The following PDZD2 variants were observed in gnomAD, a reference collection of about 807,000 sequenced individuals.
PDZD2 encodes the protein PDZ domain-containing protein 2.
PDZD2 carries 90 observed loss-of-function variants against 220.7 expected under a neutral mutation model. The observed-to-expected ratio is 0.41, with a 90% CI of 0.34 to 0.49. The LOEUF (loss-of-function observed/expected upper bound fraction) is 0.49, where lower values mean the gene tolerates loss of function less well. Among genes scored for constraint, PDZD2 ranks in the 20% least tolerant of loss-of-function variants. The probability of loss-of-function intolerance (pLI) is 0.28; values close to 1 mark genes in which losing one functional copy is unlikely to be tolerated. For missense variants in PDZD2, 3,174 were observed against 3,608.5 expected (o/e 0.88, Z 3.08); for synonymous variants, 1,375 against 1,450.5 (o/e 0.95, Z 1.18).
At chr5:31,861,953 A>G (rs1030571349) in intron 2 of PDZD2, among the ~76,000 whole-genome samples, 2 of 152,176 alleles carry the variant, frequency 1.3e-5, no homozygotes, top group Admixed American at 6.5e-5. Flanking sequence ...GTTCTATACT[A>G]TATAAATGTA....
chr5:31,893,512 G>A (rs112642972), intron 2 of PDZD2, among the ~76,000 whole-genome samples: 3,136 of 152,322 alleles, frequency 0.021, 98 homozygotes, highest in African/African-American at 0.07. Context: ...AGAGGTTACA[G>A]TGAGCTGAGA....
At chr5:31,991,955 C>T (rs769740626) in intron 3 of PDZD2, among the ~76,000 whole-genome samples, 1 of 152,130 alleles carries the variant, frequency 6.6e-6, no homozygotes, top group Non-Finnish European at 1.5e-5. Flanking sequence ...ATCACTTGAA[C>T]CCAGGAGGCA....
At chr5:31,852,400 C>G (rs1446596080) in intron 2 of PDZD2, among the ~76,000 whole-genome samples, 1 of 151,896 alleles carries the variant, frequency 6.6e-6, no homozygotes, top group Non-Finnish European at 1.5e-5. Context: ...CTTTCCTCAG[C>G]CTCCCAAGTA....
chr5:31,992,505 CAT>C (rs1751299207), intron 3 of PDZD2, among the ~76,000 whole-genome samples: 1 of 152,102 alleles, frequency 6.6e-6, no homozygotes, highest in Non-Finnish European at 1.5e-5. Context: ...TTTCTTGTCA[CAT>C]GTCCTACTTC....
intron 2 of PDZD2, among the ~76,000 whole-genome samples, chr5:31,923,770 A>G (rs1030892684): frequency 1.3e-5 from 2 of 152,270 alleles, no homozygotes; most frequent in African/African-American, 4.8e-5. Flanking sequence ...AGTAAGTCAC[A>G]GTGGCATGGG....
chr5:31,818,897 G>A (rs574634570), intron 2 of PDZD2, among the ~76,000 whole-genome samples: 4 of 151,944 alleles, frequency 2.6e-5, no homozygotes, highest in African/African-American at 9.7e-5. Flanking sequence ...ATAATTTTTT[G>A]TTTCCTTCTA....
intron 1 of PDZD2, among the ~76,000 whole-genome samples, chr5:31,731,695 C>T (rs1011884459): frequency 6.6e-6 from 1 of 152,128 alleles, no homozygotes; most frequent in African/African-American, 2.4e-5. Flanking sequence ...TTTATATGGC[C>T]AAATAGTATT....
In PDZD2 at chr5:32,071,405, C is replaced by T. The variant is rs1411950982; in HGVS notation, c.2555C>T (p.Ser852Phe). The change falls in exon 16 of 25, where the codon TCT becomes TTT. Residue 852 changes from serine (S) to phenylalanine (F), a missense_variant. Around this residue, in one of 4 missense-constraint regions of PDZD2, gnomAD observed 1,861 missense variants for 2,001.0 expected, o/e 0.93. Coordinates refer to ENST00000438447, the MANE Select transcript of PDZD2 (RefSeq NM_178140.4). ...ACAGGTACCCCCTTGAAGAGTCCCT[C>T]TCTTGCAAAAAAGGTGAGTCAAGGT... ...PGLGTPLKSP[S>F]LAKKDSLISE... is the part of the protein sequence containing the mutation. 2.0e-5 allele frequency: 33 copies of T among 1,610,582 alleles called. No individual in the cohort carries two copies. Among genetic ancestry groups the T allele is most frequent in the Non-Finnish European group, 2.8e-5 (33 of 1,176,862 alleles).
At chr5:31,886,037 T>C (rs1474099884) in intron 2 of PDZD2, among the ~76,000 whole-genome samples, 1 of 151,938 alleles carries the variant, frequency 6.6e-6, no homozygotes, top group Middle Eastern at 3.2e-3. Context: ...GTAGCTGGGA[T>C]TACAGGCACC....
Position 31,777,082 on chromosome 5 carries a change from TG to T in PDZD2, c.-360-21806del, listed in dbSNP as rs377534522. ...GGCCGAGCCTGGAGCCGGCTCCCTCTGCTTGCTGGGAGGTGTGGAGGGAGAG... is the reference window on the plus strand; with the variant it reads ...GGCCGAGCCTGGAGCCGGCTCCCTCTCTTGCTGGGAGGTGTGGAGGGAGAG... On this transcript the variant is annotated intron_variant, in intron 1 of 24. Transcript: ENST00000438447. Among the ~76,000 whole-genome samples the T allele has an allele frequency of 1.8e-4, 28 of 152,276 alleles. No homozygotes were observed. In the East Asian group the frequency reaches 5.4e-3, roughly 29 times the overall value.
At chr5:31,659,009 G>T (rs1163784711) in intron 1 of PDZD2, among the ~76,000 whole-genome samples, 1 of 152,066 alleles carries the variant, frequency 6.6e-6, no homozygotes, top group Non-Finnish European at 1.5e-5. Flanking sequence ...CCCTCGCCGT[G>T]TTCACCCGTG....
intron 1 of PDZD2, among the ~76,000 whole-genome samples, chr5:31,655,556 TA>T (rs1436393589): frequency 5.7e-5 from 1 of 17,570 alleles, no homozygotes; most frequent in East Asian, 7.6e-3. Flanking sequence ...TCTATGAGGG[TA>T]TTTTTTTTTT....
intron 1 of PDZD2, among the ~76,000 whole-genome samples, chr5:31,723,582 T>C (rs1748930398): frequency 6.6e-6 from 1 of 152,098 alleles, no homozygotes; most frequent in African/African-American, 2.4e-5. Flanking sequence ...GTGAGAGTGT[T>C]GTCTTTCAAC....
chr5:31,686,202 C>T (rs1369084279), intron 1 of PDZD2, among the ~76,000 whole-genome samples: 5 of 150,586 alleles, frequency 3.3e-5, no homozygotes, highest in East Asian at 2.0e-4. Flanking sequence ...CTAGCCTGGG[C>T]GACAGAGCGA....
intron 8 of PDZD2, among the ~76,000 whole-genome samples, chr5:32,050,441 CTG>C (rs1304727230): frequency 6.6e-6 from 1 of 152,072 alleles, no homozygotes; most frequent in African/African-American, 2.4e-5. Context: ...TTCAAGAAAA[CTG>C]TCCTTTCTTT....
At chr5:31,966,712 C>T (rs1057031515) in intron 2 of PDZD2, among the ~76,000 whole-genome samples, 8 of 152,072 alleles carry the variant, frequency 5.3e-5, no homozygotes, top group East Asian at 1.9e-4. Context: ...AGGAAAAATT[C>T]GAAAGAATTG....
At chr5:31,757,448 C>T (rs780393112) in intron 1 of PDZD2, among the ~76,000 whole-genome samples, 24 of 152,012 alleles carry the variant, frequency 1.6e-4, no homozygotes, top group Non-Finnish European at 2.2e-4. Context: ...AAAAATTAGC[C>T]GGGCGTGGTG....
chr5:31,746,418 C>T lies in PDZD2; in HGVS notation c.-360-52471C>T, dbSNP rs560956338. Reference sequence around the variant, plus strand: ...GCTGTGATCCATTAACAATGTCCATCGTGGGTGCAGAAGTGGGAGTGGATT... The same window carrying T: ...GCTGTGATCCATTAACAATGTCCATTGTGGGTGCAGAAGTGGGAGTGGATT... On this transcript the variant is annotated intron_variant, in intron 1 of 24. Coordinates refer to ENST00000438447, the MANE Select transcript of PDZD2 (RefSeq NM_178140.4). Among the ~76,000 whole-genome samples, 6 of 152,260 alleles carry T rather than the reference C, an allele frequency of 3.9e-5. No individual in the cohort carries two copies. The South Asian group carries it at 6.2e-4, about 16-fold the overall frequency.
chr5:31,845,760 C>T (rs1580876304), intron 2 of PDZD2, among the ~76,000 whole-genome samples: 1 of 152,118 alleles, frequency 6.6e-6, no homozygotes, highest in South Asian at 2.1e-4. Context: ...AAATGGGTTG[C>T]TGTAATAATA....
Sources: gnomAD v4.1 joint callset for allele counts (sites outside exome capture counted in the v4.1 genomes callset) on GRCh38, gnomAD v4.1.1 for gene constraint, gnomAD v4.1.1 regional missense constraint, MANE v1.5 for transcripts, NCBI Gene and HGNC (gene_info 2026-07-23, HGNC 2026-07-21) for gene names.